The following UNC5D variants were observed in gnomAD, a reference collection of about 807,000 sequenced individuals.
UNC5D encodes the protein unc-5 netrin receptor D.
UNC5D carries 39 observed loss-of-function variants against 105.4 expected under a neutral mutation model. The ratio of observed to expected loss-of-function variants is 0.37; its 90% CI spans 0.29 to 0.48. The LOEUF (loss-of-function observed/expected upper bound fraction) is 0.48. Ranked by LOEUF, UNC5D falls within the 20% of genes least tolerant of loss-of-function variation. The probability of loss-of-function intolerance (pLI) is 0.98; values close to 1 mark genes in which losing one functional copy is unlikely to be tolerated. For synonymous variants in UNC5D, 452 were observed against 450.4 expected, an observed-to-expected ratio of 1.00 and a Z score of -0.04; for missense variants, 991 against 1,202.4, an observed-to-expected ratio of 0.82 and a Z score of 2.60.
chr8:35,713,504 G>A (rs1828080838), intron 8 of UNC5D, among the ~76,000 whole-genome samples: 1 of 152,122 alleles, frequency 6.6e-6, no homozygotes, highest in Non-Finnish European at 1.5e-5. Flanking sequence ...AATTTTCAAA[G>A]AAACATCAAA....
At chr8:35,702,244 C>CCATTTATATACCATAGCTACCTCAAGG (rs1827255970) in intron 7 of UNC5D, among the ~76,000 whole-genome samples, 1 of 151,918 alleles carries the variant, frequency 6.6e-6, no homozygotes. Flanking sequence ...CCTTCTGGGA[C>CCATTTATATACCATAGCTACCTCAAGG]CATTTATATA....
chr8:35,491,617 A>AGTGT lies in UNC5D; in HGVS notation c.104-57662_104-57659dup, dbSNP rs3048026. On this transcript the variant is annotated intron_variant, in intron 1 of 16. Coordinates refer to ENST00000404895, the MANE Select transcript of UNC5D (RefSeq NM_080872.4). ...CTCCAAGGAGTAGGCAACACTTTAG[A>AGTGT]GTGTGTGTGTGTGTGTAGGGATCCA... 4.0e-3 allele frequency among the ~76,000 whole-genome samples: 607 copies of AGTGT among 151,242 alleles called. 10 individuals carry two copies. Among genetic ancestry groups the AGTGT allele is most frequent in the Admixed American group, 0.031 (477 of 15,164 alleles).
chr8:35,242,865 C>T (rs1462439664), intron 1 of UNC5D, among the ~76,000 whole-genome samples: 2 of 152,162 alleles, frequency 1.3e-5, no homozygotes, highest in East Asian at 1.9e-4. Context: ...GCTTAGAAGT[C>T]ATTGGTGTCT....
At chr8:35,684,413 A>C (rs1322705808) in intron 5 of UNC5D, among the ~76,000 whole-genome samples, 169 bp from the exon 6 acceptor site, 1 of 152,148 alleles carries the variant, frequency 6.6e-6, no homozygotes, top group Non-Finnish European at 1.5e-5. Flanking sequence ...GGACTGGATG[A>C]GATGACTCCC....
intron 4 of UNC5D, among the ~76,000 whole-genome samples, chr8:35,672,623 T>C (rs1264212383): frequency 1.3e-5 from 2 of 152,184 alleles, no homozygotes; most frequent in Admixed American, 6.5e-5. Flanking sequence ...TGGCAGCATG[T>C]AACCTCCCTT....
intron 1 of UNC5D, among the ~76,000 whole-genome samples, chr8:35,322,671 A>T (rs546598395): frequency 6.6e-6 from 1 of 152,218 alleles, no homozygotes; most frequent in African/African-American, 2.4e-5. Flanking sequence ...TTTGCAATGC[A>T]TGTTGTGTCT....
intron 15 of UNC5D, among the ~76,000 whole-genome samples, chr8:35,767,491 A>T (rs1801824689): frequency 6.6e-6 from 1 of 152,178 alleles, no homozygotes; most frequent in African/African-American, 2.4e-5. Context: ...AGTTTCCAGA[A>T]GTCAGTTGCC....
At chr8:35,328,589 T>C (rs527749101) in intron 1 of UNC5D, among the ~76,000 whole-genome samples, 1 of 152,290 alleles carries the variant, frequency 6.6e-6, no homozygotes, top group East Asian at 1.9e-4. Flanking sequence ...TGGATCTCCT[T>C]TCTTATAAAC....
chr8:35,533,918 G>C lies in UNC5D; in HGVS notation c.104-15374G>C, dbSNP rs867555257. 4.5e-4 allele frequency among the ~76,000 whole-genome samples: 68 copies of C among 152,226 alleles called. No homozygotes were observed. The Middle Eastern group carries it at 0.01, about 23-fold the overall frequency. ...CCATGCTTCGGCTTGCGCACGGTGC[G>C]CGCACCCACTGGCCTGCACCCACTG... On this transcript the variant is annotated intron_variant, in intron 1 of 16. Coordinates refer to ENST00000404895, the MANE Select transcript of UNC5D (RefSeq NM_080872.4).
chr8:35,264,896 T>A (rs1804751802), intron 1 of UNC5D, among the ~76,000 whole-genome samples: 1 of 152,088 alleles, frequency 6.6e-6, no homozygotes, highest in Non-Finnish European at 1.5e-5. Flanking sequence ...GCTTGCAGAG[T>A]ACAGCTGAGG....
At chr8:35,599,618 G>T (rs907557377) in intron 4 of UNC5D, among the ~76,000 whole-genome samples, 1 of 152,066 alleles carries the variant, frequency 6.6e-6, no homozygotes, top group African/African-American at 2.4e-5. Context: ...CCCAGGGTTA[G>T]CCCTACACAA....
intron 1 of UNC5D, among the ~76,000 whole-genome samples, chr8:35,332,443 C>A (rs1810698245): frequency 6.6e-6 from 1 of 152,188 alleles, no homozygotes; most frequent in South Asian, 2.1e-4. Context: ...CCTTATTCTG[C>A]AGTAATGTCT....
Position 35,792,889 on chromosome 8 carries a change from C to T in UNC5D, c.*2326C>T. The T allele has an allele frequency of 2.7e-6, 1 of 372,900 alleles. No homozygotes were observed. Among genetic ancestry groups the T allele is most frequent in the Non-Finnish European group, 5.2e-6 (1 of 193,656 alleles). The allele number at this position is 372,900 out of a possible 1,614,324, so 23.1% of individuals were successfully genotyped here. ...ATAGATGAAAATTCTAAATGATTTT[C>T]CCTCAAATCTATCTAGATTATTTTA... On this transcript the variant is annotated 3_prime_UTR_variant, in exon 17 of 17. Coordinates refer to ENST00000404895, the MANE Select transcript of UNC5D (RefSeq NM_080872.4).
chr8:35,542,834 A>C (rs925733919), intron 1 of UNC5D, among the ~76,000 whole-genome samples: 4 of 152,200 alleles, frequency 2.6e-5, no homozygotes, highest in African/African-American at 7.2e-5. Context: ...TAGGATAATA[A>C]GTTTGGGGAT....
intron 1 of UNC5D, among the ~76,000 whole-genome samples, chr8:35,498,615 T>C (rs10090689): frequency 0.17 from 25,771 of 151,956 alleles, 2,935 homozygotes; most frequent in African/African-American, 0.29. Context: ...GGTAGAGATA[T>C]GGGTAGATTT....
chr8:35,587,966 A>ATATATATATATATATATATATATATG, intron 3 of UNC5D, among the ~76,000 whole-genome samples: 1 of 4,028 alleles, frequency 2.5e-4, no homozygotes, highest in Non-Finnish European at 1.1e-3. Context: ...AACTATAATA[A>ATATATATATATATATATATATATATG]TATATATATA....
intron 14 of UNC5D, among the ~76,000 whole-genome samples, chr8:35,761,004 A>G (rs1801507430): frequency 6.6e-6 from 1 of 152,112 alleles, no homozygotes; most frequent in African/African-American, 2.4e-5. Flanking sequence ...AGTGCATTCA[A>G]AGCACACAAC....
intron 1 of UNC5D, among the ~76,000 whole-genome samples, chr8:35,302,758 G>A (rs1226184234): frequency 1.3e-5 from 2 of 152,088 alleles, no homozygotes; most frequent in Non-Finnish European, 2.9e-5. Context: ...GGACTTTAAG[G>A]TATTAAATAT....
At chr8:35,639,194 C>T (rs1291006125) in intron 4 of UNC5D, among the ~76,000 whole-genome samples, 1 of 152,174 alleles carries the variant, frequency 6.6e-6, no homozygotes, top group East Asian at 1.9e-4. Context: ...ACTCAAAGGC[C>T]TGTGCAACAG....
Sources: allele counts gnomAD v4.1 joint callset (sites outside exome capture counted in the v4.1 genomes callset), GRCh38; gene constraint gnomAD v4.1.1; transcripts MANE v1.5; gene names NCBI Gene and HGNC (gene_info 2026-07-23, HGNC 2026-07-21).